Variants in PCDH9 observed in about 807,000 individuals in gnomAD.
PCDH9 encodes protocadherin 9.
Under a neutral mutation model 70.6 loss-of-function variants are expected in PCDH9, and 24 were observed. That is an observed-to-expected ratio of 0.34 (90% CI 0.25 to 0.48). The LOEUF is 0.48. Among genes scored for constraint, PCDH9 ranks in the 20% least tolerant of loss-of-function variants. PCDH9 has a pLI of 0.99. For synonymous variants in PCDH9, 562 were observed against 558.5 expected (o/e 1.01, Z -0.09); for missense variants, 1,281 against 1,503.6 (o/e 0.85, Z 2.45).
intron 2 of PCDH9, among the ~76,000 whole-genome samples, chr13:66,948,836 TG>T (rs1256908067): frequency 1.3e-5 from 2 of 152,120 alleles, no homozygotes; most frequent in African/African-American, 4.8e-5. Flanking sequence ...CTCCTTAAAT[TG>T]TTTTCCATTT....
At chr13:66,862,857 A>G (rs2081506864) in intron 3 of PCDH9, among the ~76,000 whole-genome samples, 2 of 152,162 alleles carry the variant, frequency 1.3e-5, no homozygotes, top group African/African-American at 2.4e-5. Context: ...GTTATAAGAT[A>G]GCATAATTTT....
chr13:67,064,513 T>C (rs1316895408), intron 2 of PCDH9, among the ~76,000 whole-genome samples: 1 of 152,206 alleles, frequency 6.6e-6, no homozygotes, highest in African/African-American at 2.4e-5. Context: ...TCATATCAAA[T>C]GCATTAAACT....
At chr13:66,396,743 T>C (rs1031298820) in intron 4 of PCDH9, among the ~76,000 whole-genome samples, 3 of 152,136 alleles carry the variant, frequency 2.0e-5, no homozygotes, top group African/African-American at 7.2e-5. Context: ...CATATGATGG[T>C]TGTAAGTAAT....
chr13:66,438,473 G>C (rs73510021), intron 4 of PCDH9, among the ~76,000 whole-genome samples: 12,068 of 152,156 alleles, frequency 0.079, 564 homozygotes, highest in Middle Eastern at 0.12. Flanking sequence ...AACTGTTGGT[G>C]TGTATTTGAA....
At chr13:66,756,835 T>C (rs1256030941) in intron 3 of PCDH9, among the ~76,000 whole-genome samples, 3 of 151,926 alleles carry the variant, frequency 2.0e-5, no homozygotes, top group Non-Finnish European at 4.4e-5. Context: ...TGATTTATTT[T>C]ATTATTATAA....
In PCDH9 at chr13:67,224,775, T is replaced by C. The variant is rs575763165; in HGVS notation, c.3036+630A>G. 132 of 852,742 alleles carry C rather than the reference T, an allele frequency of 1.5e-4. No individual in the cohort carries two copies. The African/African-American group carries it at 2.3e-3, about 15-fold the overall frequency. The allele number at this position is 852,742 out of a possible 1,614,324, so 52.8% of individuals were successfully genotyped here. A position where few individuals can be genotyped will look rare whatever the true frequency, so the allele number is the denominator to read the frequency against. ...AAGAGTATTTGGCCACTGCGGACAC[T>C]AAAAATCTTTCTATTAAGTACCGAA... On this transcript the variant is annotated intron_variant, in intron 2 of 4. Transcript: ENST00000377865.
chr13:66,907,474 C>T (rs903198510), intron 2 of PCDH9, among the ~76,000 whole-genome samples: 1 of 152,152 alleles, frequency 6.6e-6, no homozygotes, highest in Non-Finnish European at 1.5e-5. Context: ...GATTGAAAGT[C>T]TGTATTGCAA....
At chr13:66,408,783 G>A (rs947290588) in intron 4 of PCDH9, among the ~76,000 whole-genome samples, 1 of 151,456 alleles carries the variant, frequency 6.6e-6, no homozygotes, top group Non-Finnish European at 1.5e-5. Context: ...TCACTGAATA[G>A]GCTTAAGTTA....
chr13:66,392,881 C>T (rs1245305694), intron 4 of PCDH9, among the ~76,000 whole-genome samples: 2 of 147,276 alleles, frequency 1.4e-5, no homozygotes, highest in African/African-American at 2.5e-5. Flanking sequence ...AAAACATGGG[C>T]ATTTGCTTTT....
At chr13:66,956,322 A>T (rs893439965) in intron 2 of PCDH9, among the ~76,000 whole-genome samples, 6 of 152,320 alleles carry the variant, frequency 3.9e-5, no homozygotes, top group African/African-American at 1.4e-4. Flanking sequence ...AATGGAGATG[A>T]TGTGTTAAAT....
intron 4 of PCDH9, among the ~76,000 whole-genome samples, chr13:66,402,077 T>C (rs990434336): frequency 6.6e-6 from 1 of 152,134 alleles, no homozygotes; most frequent in Non-Finnish European, 1.5e-5. Flanking sequence ...TCTGAGCAAA[T>C]CTTTCTTTCT....
At chr13:66,730,356 G>A (rs1054950869) in intron 3 of PCDH9, among the ~76,000 whole-genome samples, 3 of 152,040 alleles carry the variant, frequency 2.0e-5, no homozygotes, top group Non-Finnish European at 4.4e-5. Flanking sequence ...ACTGCATACT[G>A]TCTGTGACGA....
chr13:66,914,897 A>T (rs2082532650), intron 2 of PCDH9: 1 of 151,842 alleles, frequency 6.6e-6, no homozygotes, highest in African/African-American at 2.4e-5. Context: ...GAGAGTAGAT[A>T]GTGTTATTTC....
intron 3 of PCDH9, among the ~76,000 whole-genome samples, chr13:66,892,333 C>T (rs762886246): frequency 7.3e-5 from 11 of 150,762 alleles, no homozygotes; most frequent in Non-Finnish European, 1.0e-4. Context: ...ATAAAATGTA[C>T]GTTTAATATG....
intron 2 of PCDH9, among the ~76,000 whole-genome samples, chr13:67,089,914 T>C (rs1341253260): frequency 6.6e-6 from 1 of 151,990 alleles, no homozygotes; most frequent in African/African-American, 2.4e-5. Flanking sequence ...TGATTCACAC[T>C]TGCTATGTAG....
At chr13:66,723,565 G>A (rs1214001091) in intron 3 of PCDH9, among the ~76,000 whole-genome samples, 4 of 152,182 alleles carry the variant, frequency 2.6e-5, no homozygotes, top group African/African-American at 7.2e-5. Context: ...ATTGACTGTG[G>A]TTTAAGGCAA....
chr13:66,400,108 C>A (rs1957162991), intron 4 of PCDH9, among the ~76,000 whole-genome samples: 2 of 152,168 alleles, frequency 1.3e-5, no homozygotes, highest in Admixed American at 6.6e-5. Flanking sequence ...GCAGCCTGCT[C>A]CTCTCCTATC....
chr13:66,803,904 G>T (rs1566204793), intron 3 of PCDH9, among the ~76,000 whole-genome samples: 1 of 152,136 alleles, frequency 6.6e-6, no homozygotes, highest in East Asian at 1.9e-4. Flanking sequence ...AGACAGACAT[G>T]CTGTTAAGTG....
intron 2 of PCDH9, among the ~76,000 whole-genome samples, chr13:66,925,508 A>T (rs776932128): frequency 6.6e-6 from 1 of 151,922 alleles, no homozygotes; most frequent in Non-Finnish European, 1.5e-5. Context: ...TTTTCTCTGC[A>T]CATTATCTTA....
Sources: gnomAD v4.1 joint callset for allele counts (sites outside exome capture counted in the v4.1 genomes callset) on GRCh38, gnomAD v4.1.1 for gene constraint, MANE v1.5 for transcripts, NCBI Gene and HGNC (gene_info 2026-07-23, HGNC 2026-07-21) for gene names.